HIRA: variants seen among roughly 807,000 people sequenced by gnomAD.
The protein encoded by HIRA is histone cell cycle regulator, also known as protein HIRA.
Under a neutral mutation model 126.6 loss-of-function variants are expected in HIRA, and 13 were observed. The observed-to-expected ratio is 0.10, with a 90% CI of 0.07 to 0.16. The LOEUF (loss-of-function observed/expected upper bound fraction) is 0.16, where lower values mean the gene tolerates loss of function less well. Among genes scored for constraint, HIRA ranks in the 10% least tolerant of loss-of-function variants. The pLI is 1.00. For missense variants in HIRA, 834 were observed against 1,314.4 expected (o/e 0.63, Z 5.65); for synonymous variants, 511 against 520.0 (o/e 0.98, Z 0.24).
intron 1 of HIRA, among the ~76,000 whole-genome samples, chr22:19,422,171 T>TACACACACACACAC (rs763716204): frequency 5.6e-5 from 8 of 143,132 alleles, no homozygotes; most frequent in South Asian, 2.3e-4. Flanking sequence ...TGTTTATATA[T>TACACACACACACAC]ACACACACAC....
intron 1 of HIRA, among the ~76,000 whole-genome samples, chr22:19,412,433 T>C (rs1353376833): frequency 6.6e-6 from 1 of 152,220 alleles, no homozygotes; most frequent in Non-Finnish European, 1.5e-5. Flanking sequence ...GCCAGCAAAT[T>C]TAGGGGTTTG....
chr22:19,383,714 G>A lies in HIRA; in HGVS notation c.1330-9C>T. The A allele has an allele frequency of 6.2e-7, 1 of 1,611,884 alleles. No individual in the cohort carries two copies. Among genetic ancestry groups the A allele is most frequent in the Non-Finnish European group, 8.5e-7 (1 of 1,178,354 alleles). ...TGTTTCTTCAAAAGATTCTGGCAAA[G>A]CAGAGTTACATAAATGAATGCAAAA... On this transcript the variant is annotated splice_polypyrimidine_tract_variant and intron_variant, in intron 12 of 24. Transcript: ENST00000263208.
At chr22:19,335,314 G>A (rs2088553545) in intron 24 of HIRA, among the ~76,000 whole-genome samples, 1 of 151,326 alleles carries the variant, frequency 6.6e-6, no homozygotes, top group African/African-American at 2.4e-5. Context: ...GCGTGATCTT[G>A]GCTCACTGCA....
chr22:19,402,164 C>T (rs1409399871), intron 5 of HIRA, among the ~76,000 whole-genome samples: 1 of 152,240 alleles, frequency 6.6e-6, no homozygotes, highest in African/African-American at 2.4e-5. Context: ...TCCTATACTA[C>T]TCACTCGTCT....
At chr22:19,382,798 C>T (rs1421280576) in intron 13 of HIRA, among the ~76,000 whole-genome samples, 1 of 144,702 alleles carries the variant, frequency 6.9e-6, no homozygotes, top group Non-Finnish European at 1.5e-5. Flanking sequence ...TGAATCAACA[C>T]ACATCATTTT....
rs1387849078 is a variant in HIRA, at chr22:19,416,201, C to T, written c.38-5423G>A. 2.0e-5 allele frequency among the ~76,000 whole-genome samples: 3 copies of T among 152,330 alleles called. No individual in the cohort carries two copies. In the East Asian group the frequency reaches 5.8e-4, roughly 29 times the overall value. On this transcript the variant is annotated intron_variant, in intron 1 of 24. Coordinates refer to ENST00000263208, the MANE Select transcript of HIRA (RefSeq NM_003325.4). ...CAAAAGAATGAAGTTGGATCCCTAT[C>T]TCATACCATATACAATTAACTCAAA...
chr22:19,356,495 A>C (rs1378156815), intron 19 of HIRA, among the ~76,000 whole-genome samples: 2 of 152,182 alleles, frequency 1.3e-5, no homozygotes, highest in East Asian at 3.8e-4. Context: ...AAGCCCAGGC[A>C]ACAGAGCCAT....
At chr22:19,414,639 G>C (rs1350010284) in intron 1 of HIRA, among the ~76,000 whole-genome samples, 1 of 152,284 alleles carries the variant, frequency 6.6e-6, no homozygotes, top group East Asian at 1.9e-4. Context: ...AATAGAACTT[G>C]GTTTTAACCA....
At chr22:19,344,578 T>TA (rs2088666249) in intron 24 of HIRA, among the ~76,000 whole-genome samples, 1 of 152,182 alleles carries the variant, frequency 6.6e-6, no homozygotes, top group African/African-American at 2.4e-5. Flanking sequence ...ACCAAACACT[T>TA]AGAGAATTAA....
chr22:19,403,539 G>A (rs796946738), intron 5 of HIRA, among the ~76,000 whole-genome samples: 1 of 152,172 alleles, frequency 6.6e-6, no homozygotes, highest in South Asian at 2.1e-4. Context: ...TGGAACCCGG[G>A]AGGTGGAGGT....
chr22:19,334,186 A>G (rs1377350225), intron 24 of HIRA, among the ~76,000 whole-genome samples: 2 of 151,348 alleles, frequency 1.3e-5, no homozygotes, highest in Non-Finnish European at 3.0e-5. Flanking sequence ...CATGTTAGCA[A>G]GGATGGTCTC....
Position 19,398,035 on chromosome 22 carries a change from G to A in HIRA, c.450C>T (p.Ser150=), listed in dbSNP as rs760462542. 7 of 1,614,002 alleles carry A rather than the reference G, an allele frequency of 4.3e-6. No individual in the cohort carries two copies. In the Admixed American group the frequency reaches 5.0e-5, roughly 12 times the overall value. Residue 150 remains serine, a synonymous_variant, in exon 6 of 25, where the codon AGC becomes AGT. Coordinates refer to ENST00000263208, the MANE Select transcript of HIRA (RefSeq NM_003325.4). The part of the protein sequence containing the change: ...SPHDAWLASC[S]VDNTVVIWNA... Reference sequence around the variant, plus strand: ...TCCAGATGACGACAGTGTTATCCACGCTGCATGAGGCTAGCCAGGCATCGT... The same window carrying A: ...TCCAGATGACGACAGTGTTATCCACACTGCATGAGGCTAGCCAGGCATCGT...
chr22:19,429,133 C>CTTTTTTTTTTTTTTTTTTTT (rs57853722), intron 1 of HIRA, among the ~76,000 whole-genome samples: 1 of 77,244 alleles, frequency 1.3e-5, no homozygotes, highest in African/African-American at 5.4e-5. Context: ...GTTGCCATAT[C>CTTTTTTTTTTTTTTTTTTTT]TTTTTTTTTT....
intron 18 of HIRA, among the ~76,000 whole-genome samples, chr22:19,358,930 G>A (rs1556013501): frequency 6.6e-6 from 1 of 152,088 alleles, no homozygotes; most frequent in Non-Finnish European, 1.5e-5. Context: ...GGGACTTCAG[G>A]GACAGTCAGA....
rs2089033854 is a variant in HIRA, at chr22:19,377,882, C to T, written c.1600G>A (p.Val534Ile). The T allele has an allele frequency of 6.2e-7, 1 of 1,609,842 alleles. No homozygotes were observed. Among genetic ancestry groups the T allele is most frequent in the Non-Finnish European group, 8.5e-7 (1 of 1,178,074 alleles). The change falls in exon 14 of 25, where the codon GTC becomes ATC. Residue 534 changes from valine (V) to isoleucine (I), a missense_variant. Val to Ile is a conservative substitution (Grantham distance 29). Coordinates refer to ENST00000263208, the MANE Select transcript of HIRA (RefSeq NM_003325.4). ...GCACCCACTAACCTGTCTTTATTGA[C>T]AGAATCGCCTGCAGGTCTGGCACTG... is the stretch of plus-strand genomic sequence containing the variant. ...AASARPAGDS[V>I]NKDSMNATST... is the part of the protein sequence containing the mutation.
chr22:19,357,159 C>G, intron 18 of HIRA, 108 bp from the exon 19 acceptor site: 1 of 1,306,066 alleles, frequency 7.7e-7, no homozygotes, highest in African/African-American at 1.5e-5. Flanking sequence ...CAAGGGCCTC[C>G]CCTGAGCAGG....
At chr22:19,367,256 T>C (rs1031222765) in intron 15 of HIRA, among the ~76,000 whole-genome samples, 4 of 152,186 alleles carry the variant, frequency 2.6e-5, no homozygotes, top group East Asian at 1.9e-4. Context: ...GGTATCTGCA[T>C]GGGGATTGAT....
chr22:19,417,442 T>C (rs1314805894), intron 1 of HIRA, among the ~76,000 whole-genome samples: 1 of 151,896 alleles, frequency 6.6e-6, no homozygotes, highest in African/African-American at 2.4e-5. Context: ...GCCAACATGG[T>C]GAAACCCCAT....
At chr22:19,350,921 T>C (rs1556010699) in intron 24 of HIRA, among the ~76,000 whole-genome samples, 1 of 152,128 alleles carries the variant, frequency 6.6e-6, no homozygotes, top group African/African-American at 2.4e-5. Flanking sequence ...AAGGCCTTCC[T>C]GGTCACTCCT....
Sources: allele counts gnomAD v4.1 joint callset (sites outside exome capture counted in the v4.1 genomes callset), GRCh38; gene constraint gnomAD v4.1.1; transcripts MANE v1.5; gene names NCBI Gene and HGNC (gene_info 2026-07-23, HGNC 2026-07-21).